STPG2: variants seen among roughly 807,000 people sequenced by gnomAD.
The protein encoded by STPG2 is sperm-tail PG-rich repeat-containing protein 2.
STPG2 carries 56 observed loss-of-function variants against 54.2 expected under a neutral mutation model. The observed-to-expected ratio is 1.03, with a 90% CI of 0.83 to 1.29. The LOEUF is 1.29. Ranked by LOEUF, STPG2 falls within the 50% of genes most tolerant of loss-of-function variation. STPG2 has a pLI of 0.00. For synonymous variants in STPG2, 200 were observed against 181.8 expected (o/e 1.10, Z -0.81); for missense variants, 596 against 544.9 (o/e 1.09, Z -0.93).
At chr4:97,595,350 AC>A (rs201789495) in intron 10 of STPG2, among the ~76,000 whole-genome samples, 17,848 of 152,076 alleles carry the variant, frequency 0.12, 3,164 homozygotes, top group African/African-American at 0.39. Context: ...TATCGCAAGG[AC>A]AAAAAACAAA....
At chr4:97,566,062 G>T in intron 10 of STPG2, among the ~76,000 whole-genome samples, 1 of 152,206 alleles carries the variant, frequency 6.6e-6, no homozygotes. Context: ...AGACAGGCAG[G>T]CCTCCTTGAG....
Position 97,825,846 on chromosome 4 carries a change from GTAAA to G in STPG2, c.1204+14923_1204+14926del, listed in dbSNP as rs577987528. Among the ~76,000 whole-genome samples, 144 of 152,228 alleles carry G rather than the reference GTAAA, an allele frequency of 9.5e-4. 2 individuals are homozygous for G. Among genetic ancestry groups the G allele is most frequent in the Non-Finnish European group, 1.2e-3 (82 of 68,026 alleles). The stretch of plus-strand genomic sequence containing the variant: ...TTTTACTTCATGTAACATATCTTTG[GTAAA>G]TAAATAAAGTTTTAAAGATTATTGG... On this transcript the variant is annotated intron_variant, in intron 9 of 10. Coordinates refer to ENST00000295268, the MANE Select transcript of STPG2 (RefSeq NM_174952.3).
chr4:97,456,851 C>T lies in STPG2; in HGVS notation c.462+255848G>A, dbSNP rs547057744. 6.4e-5 allele frequency among the ~76,000 whole-genome samples: 9 copies of T among 139,948 alleles called. No homozygotes were observed. In the South Asian group the frequency reaches 1.1e-3, roughly 17 times the overall value. The allele number at this position is 139,948 out of a possible 152,430, so 91.8% of individuals were successfully genotyped here. ...TTGGAGCTAGAGTGAGCTGAGATCGCGCCACCGCACTCCAGCCTGGGTAAC... is the reference window on the plus strand; with the variant it reads ...TTGGAGCTAGAGTGAGCTGAGATCGTGCCACCGCACTCCAGCCTGGGTAAC... On this transcript the variant is annotated intron_variant, in intron 4 of 4. Coordinates refer to the STPG2 transcript ENST00000522676.
intron 4 of STPG2, among the ~76,000 whole-genome samples, chr4:97,545,530 G>C (rs1731816717): frequency 6.6e-6 from 1 of 152,076 alleles, no homozygotes; most frequent in Non-Finnish European, 1.5e-5. Flanking sequence ...TTAAAAATAA[G>C]TTAAGTGGTA....
intron 9 of STPG2, among the ~76,000 whole-genome samples, chr4:97,785,038 A>C (rs1440666912): frequency 2.0e-5 from 3 of 152,064 alleles, no homozygotes; most frequent in Non-Finnish European, 4.4e-5. Context: ...ATGTGAAAAG[A>C]TAGAGGTGCT....
intron 9 of STPG2, among the ~76,000 whole-genome samples, chr4:97,788,391 CA>C (rs1164497719): frequency 1.3e-5 from 2 of 152,058 alleles, no homozygotes; most frequent in East Asian, 3.9e-4. Flanking sequence ...CATGTTGTTG[CA>C]AATGACAAGA....
chr4:97,971,473 TA>T (rs1469328318), intron 7 of STPG2, among the ~76,000 whole-genome samples: 1 of 152,126 alleles, frequency 6.6e-6, no homozygotes, highest in East Asian at 1.9e-4. Context: ...TATGCAGCCA[TA>T]AAAAAGGATG....
intron 4 of STPG2, among the ~76,000 whole-genome samples, chr4:97,500,826 C>T (rs990781007): frequency 6.6e-6 from 1 of 151,824 alleles, no homozygotes; most frequent in African/African-American, 2.4e-5. Context: ...TTCTATGTAA[C>T]GTAAAGAGTG....
chr4:97,922,246 A>G (rs1004324838), intron 8 of STPG2, among the ~76,000 whole-genome samples: 2 of 152,198 alleles, frequency 1.3e-5, no homozygotes, highest in African/African-American at 4.8e-5. Context: ...ACATCAAAAC[A>G]TCACATTGTA....
At chr4:97,488,158 T>C (rs1422659100) in intron 4 of STPG2, among the ~76,000 whole-genome samples, 2 of 151,598 alleles carry the variant, frequency 1.3e-5, no homozygotes, top group Admixed American at 1.3e-4. Context: ...TGGAATACAA[T>C]CTAATCATCA....
intron 6 of STPG2, among the ~76,000 whole-genome samples, chr4:97,974,840 A>C (rs1293224981): frequency 6.6e-6 from 1 of 152,042 alleles, no homozygotes; most frequent in Non-Finnish European, 1.5e-5. Context: ...GGGCTAATAC[A>C]CTTGCCATAT....
intron 9 of STPG2, among the ~76,000 whole-genome samples, chr4:97,749,162 A>G (rs908811783): frequency 6.6e-6 from 1 of 151,708 alleles, no homozygotes; most frequent in Admixed American, 6.6e-5. Context: ...TACATGGAAA[A>G]AACTCAAGAA....
In STPG2 at chr4:97,892,881, T is replaced by C. The variant is rs1479471347; in HGVS notation, c.1044+51016A>G. ...GTACTTTCACTCTCCAATAAACTTC[T>C]TTGCCTACTTCTACTTTGGACTCAC... On this transcript the variant is annotated intron_variant, in intron 8 of 10. Coordinates refer to ENST00000295268, the MANE Select transcript of STPG2 (RefSeq NM_174952.3). 6.6e-5 allele frequency among the ~76,000 whole-genome samples: 10 copies of C among 152,112 alleles called. 1 individual carries two copies.
chr4:97,917,906 A>G (rs749329705), intron 8 of STPG2, among the ~76,000 whole-genome samples: 8 of 152,166 alleles, frequency 5.3e-5, no homozygotes, highest in Admixed American at 1.3e-4. Context: ...CACTACTCAT[A>G]GGAAAAAAAA....
At chr4:97,799,842 T>A (rs1213885677) in intron 9 of STPG2, among the ~76,000 whole-genome samples, 3 of 152,290 alleles carry the variant, frequency 2.0e-5, no homozygotes, top group Admixed American at 2.0e-4. Context: ...GATTTGGTCT[T>A]TTCACATAGT....
rs1021657885 is a variant in STPG2, at chr4:97,890,525, C to T, written c.1045-49593G>A. Among the ~76,000 whole-genome samples, 6 of 151,556 alleles carry T rather than the reference C, an allele frequency of 4.0e-5. No homozygotes were observed. The South Asian group carries it at 1.2e-3, about 31-fold the overall frequency. On this transcript the variant is annotated intron_variant, in intron 8 of 10. Transcript: ENST00000295268. The stretch of plus-strand genomic sequence containing the variant: ...ATGATAACATTAGCTTAAAAGGCAA[C>T]CCACATTTAATACAAAGTTAATAAA...
At chr4:97,796,242 T>A (rs531180536) in intron 9 of STPG2, among the ~76,000 whole-genome samples, 50 of 152,354 alleles carry the variant, frequency 3.3e-4, no homozygotes, top group Non-Finnish European at 6.3e-4. Flanking sequence ...TTGTTGCCAT[T>A]GCTTTTGATG....
chr4:97,724,402 C>T (rs1448137905), intron 9 of STPG2, among the ~76,000 whole-genome samples: 1 of 152,098 alleles, frequency 6.6e-6, no homozygotes, highest in Non-Finnish European at 1.5e-5. Flanking sequence ...AGACCACTAT[C>T]TATGTCTATT....
intron 9 of STPG2, among the ~76,000 whole-genome samples, chr4:97,736,349 C>G (rs188104327): frequency 6.6e-6 from 1 of 152,286 alleles, no homozygotes; most frequent in African/African-American, 2.4e-5. Flanking sequence ...GAGTGCCAGA[C>G]AGTGGGCGCA....
Sources: allele counts gnomAD v4.1 joint callset (sites outside exome capture counted in the v4.1 genomes callset), GRCh38; gene constraint gnomAD v4.1.1; transcripts MANE v1.5; gene names NCBI Gene and HGNC (gene_info 2026-07-23, HGNC 2026-07-21).